OTUD7A: variants seen among roughly 807,000 people sequenced by gnomAD.
OTUD7A encodes OTU domain-containing protein 7A.
A neutral mutation model predicts 65.7 loss-of-function variants in OTUD7A; 12 were observed. The ratio of observed to expected loss-of-function variants is 0.18; its 90% confidence interval spans 0.12 to 0.30. The LOEUF (loss-of-function observed/expected upper bound fraction) is 0.30. OTUD7A is among the 10% of genes least tolerant of loss of function. The pLI, the probability that OTUD7A is intolerant of heterozygous loss-of-function variation, is 1.00. For synonymous variants in OTUD7A, 641 were observed against 586.3 expected, an observed-to-expected ratio of 1.09 and a Z score of -1.35; for missense variants, 1,148 against 1,304.8, an observed-to-expected ratio of 0.88 and a Z score of 1.85.
At chr15:31,655,031 A>T in intron 3 of OTUD7A, 65 bp downstream of exon 3, 1 of 1,551,292 alleles carries the variant, frequency 6.4e-7, no homozygotes, top group South Asian at 1.2e-5. Flanking sequence ...GGTATTGGAA[A>T]TCTTCTTATT....
At chr15:31,838,255 G>A (rs769223232) in intron 1 of OTUD7A, among the ~76,000 whole-genome samples, 9 of 152,122 alleles carry the variant, frequency 5.9e-5, no homozygotes, top group South Asian at 2.1e-4. Context: ...TTAAAAGTAC[G>A]TTAAAAGTAA....
At chr15:31,614,156 G>T (rs1045230874) in intron 3 of OTUD7A, among the ~76,000 whole-genome samples, 3 of 152,142 alleles carry the variant, frequency 2.0e-5, no homozygotes, top group African/African-American at 7.2e-5. Context: ...GGGGAAGAAT[G>T]GGAGGAGGGC....
chr15:31,860,642 T>C (rs1186486253), intron 1 of OTUD7A, among the ~76,000 whole-genome samples: 1 of 115,806 alleles, frequency 8.6e-6, no homozygotes, highest in Non-Finnish European at 1.9e-5. Flanking sequence ...TATATATATA[T>C]ATGTATGTAT....
intron 3 of OTUD7A, among the ~76,000 whole-genome samples, chr15:31,624,667 CA>C (rs1890898047): frequency 6.6e-6 from 1 of 152,138 alleles, no homozygotes; most frequent in South Asian, 2.1e-4. Flanking sequence ...TTGTTTCATT[CA>C]TTCATACCAC....
intron 1 of OTUD7A, among the ~76,000 whole-genome samples, chr15:31,780,475 T>C (rs1895508487): frequency 6.6e-6 from 1 of 152,180 alleles, no homozygotes; most frequent in African/African-American, 2.4e-5. Flanking sequence ...TTAGAAGCGC[T>C]GGCAGGAGCC....
At chr15:31,527,396 G>A in intron 6 of OTUD7A, 88 bp from the exon 7 acceptor site, 3 of 1,504,960 alleles carry the variant, frequency 2.0e-6, no homozygotes, top group Non-Finnish European at 2.7e-6. Flanking sequence ...ACGACCCACT[G>A]GGAGAGCCTC....
rs188843070 is a variant in OTUD7A, at chr15:31,617,886, G to A, written c.151+37210C>T. On this transcript the variant is annotated intron_variant, in intron 3 of 12. Transcript: ENST00000307050. The stretch of plus-strand genomic sequence containing the variant: ...GTTGGTGTGCTGCACCCATTAATTC[G>A]TCATTCACATTACGCATATCTCCTA... Among the ~76,000 whole-genome samples, 181 of 151,798 alleles carry A rather than the reference G, an allele frequency of 1.2e-3. 1 individual carries two copies. Among genetic ancestry groups the A allele is most frequent in the Admixed American group, 8.4e-3 (128 of 15,238 alleles).
At chr15:31,748,556 T>G (rs954541249) in intron 1 of OTUD7A, among the ~76,000 whole-genome samples, 3 of 152,094 alleles carry the variant, frequency 2.0e-5, no homozygotes, top group African/African-American at 7.2e-5. Flanking sequence ...GTGTCATTTT[T>G]GCAACTTTTC....
chr15:31,691,034 A>G (rs921153224), intron 1 of OTUD7A, among the ~76,000 whole-genome samples: 2 of 152,328 alleles, frequency 1.3e-5, no homozygotes, highest in African/African-American at 4.8e-5. Context: ...CAAATCATAT[A>G]TCTGATAAGG....
At chr15:31,652,915 G>A (rs971582417) in intron 3 of OTUD7A, among the ~76,000 whole-genome samples, 1 of 152,176 alleles carries the variant, frequency 6.6e-6, no homozygotes. Context: ...TGGAAAACAG[G>A]TTGGCAGTTT....
chr15:31,758,685 A>C (rs1894880114), intron 1 of OTUD7A, among the ~76,000 whole-genome samples: 1 of 152,234 alleles, frequency 6.6e-6, no homozygotes, highest in South Asian at 2.1e-4. Flanking sequence ...ATTTTGCTTC[A>C]GCTCAAGACT....
chr15:31,610,613 A>ATT (rs1228282525), intron 3 of OTUD7A, among the ~76,000 whole-genome samples: 47 of 31,648 alleles, frequency 1.5e-3, no homozygotes, highest in African/African-American at 5.9e-3. Context: ...ATATATATAT[A>ATT]TATATTTTTT....
intron 8 of OTUD7A, among the ~76,000 whole-genome samples, chr15:31,504,270 C>A (rs1396165987): frequency 6.6e-6 from 1 of 152,080 alleles, no homozygotes; most frequent in Non-Finnish European, 1.5e-5. Context: ...GGGTCATTAC[C>A]ACCAAGATCT....
At chr15:31,711,752 T>C (rs186441659) in intron 1 of OTUD7A, among the ~76,000 whole-genome samples, 8 of 129,768 alleles carry the variant, frequency 6.2e-5, no homozygotes, top group East Asian at 2.2e-4. Context: ...TTTGAGATTA[T>C]TGGAAATAAA....
At chr15:31,784,115 A>T (rs1203394956) in intron 1 of OTUD7A, among the ~76,000 whole-genome samples, 1 of 152,232 alleles carries the variant, frequency 6.6e-6, no homozygotes, top group South Asian at 2.1e-4. Flanking sequence ...ATCATGTTAC[A>T]GATCATATGT....
At chr15:31,614,786 G>A (rs1049372487) in intron 3 of OTUD7A, among the ~76,000 whole-genome samples, 19 of 152,108 alleles carry the variant, frequency 1.2e-4, no homozygotes, top group African/African-American at 4.3e-4. Context: ...AGTGGGTATT[G>A]ACCCTATAGA....
Position 31,527,416 on chromosome 15 carries a change from C to T in OTUD7A, c.653-108G>A, listed in dbSNP as rs149482467. ...CCACTGGGAGAGCCTCCTGTCTGCA[C>T]GCAGAACAGCCTCCTTACTCAGCGG... On this transcript the variant is annotated intron_variant, in intron 6 of 12. Coordinates refer to ENST00000307050, the MANE Select transcript of OTUD7A (RefSeq NM_001382637.1). The T allele has an allele frequency of 7.3e-4, 1,016 of 1,398,070 alleles. 9 individuals carry two copies. In the African/African-American group the frequency reaches 0.012, roughly 17 times the overall value. 86.6% of individuals were successfully genotyped at this position (1,398,070 alleles called of 1,614,324 possible). A position where few individuals can be genotyped will look rare whatever the true frequency, so the allele number is the denominator to read the frequency against.
In OTUD7A at chr15:31,757,353, TTA is replaced by T. The variant is rs35388320; in HGVS notation, c.-99-100278_-99-100277del. ...GGGATGAAATGAAATAATATATATATTATATATATATATACGTTTATATATAT... is the reference window on the plus strand; with the variant it reads ...GGGATGAAATGAAATAATATATATATTATATATATATACGTTTATATATAT... On this transcript the variant is annotated intron_variant, in intron 1 of 12. Coordinates refer to ENST00000307050, the MANE Select transcript of OTUD7A (RefSeq NM_001382637.1). Among the ~76,000 whole-genome samples, 32 of 147,496 alleles carry T rather than the reference TTA, an allele frequency of 2.2e-4. No homozygotes were observed. The East Asian group carries it at 4.9e-3, about 23-fold the overall frequency.
chr15:31,689,009 T>TA (rs1291894500), intron 1 of OTUD7A, among the ~76,000 whole-genome samples: 1 of 151,266 alleles, frequency 6.6e-6, no homozygotes, highest in Admixed American at 6.6e-5. Flanking sequence ...TAAAAATAAT[T>TA]AGTGTGTTAA....
Sources: gnomAD v4.1 joint callset for allele counts (sites outside exome capture counted in the v4.1 genomes callset) on GRCh38, gnomAD v4.1.1 for gene constraint, MANE v1.5 for transcripts, NCBI Gene and HGNC (gene_info 2026-07-23, HGNC 2026-07-21) for gene names.